Variants in SEMA6D observed in about 807,000 individuals in gnomAD.
SEMA6D encodes semaphorin 6D, also known as semaphorin-6D.
SEMA6D carries 35 observed loss-of-function variants against 106.6 expected under a neutral mutation model. The ratio of observed to expected loss-of-function variants is 0.33; its 90% confidence interval spans 0.25 to 0.44. The LOEUF is 0.44. Among genes scored for constraint, SEMA6D ranks in the 20% least tolerant of loss-of-function variants. The pLI, the probability that SEMA6D is intolerant of heterozygous loss-of-function variation, is 1.00. For missense variants in SEMA6D, 1,185 were observed against 1,345.9 expected (o/e 0.88, Z 1.87); for synonymous variants, 499 against 487.7 (o/e 1.02, Z -0.31).
intron 2 of SEMA6D, among the ~76,000 whole-genome samples, chr15:47,462,086 A>G (rs796266402): frequency 7.2e-5 from 11 of 152,112 alleles, no homozygotes; most frequent in African/African-American, 2.4e-4. Flanking sequence ...TGGTACTACC[A>G]TGGAGTTTTT....
intron 2 of SEMA6D, among the ~76,000 whole-genome samples, chr15:47,418,326 C>T (rs1201208071): frequency 6.6e-6 from 1 of 152,084 alleles, no homozygotes; most frequent in Non-Finnish European, 1.5e-5. Flanking sequence ...GGCTGCCATG[C>T]CGAGAGTGTC....
intron 1 of SEMA6D, among the ~76,000 whole-genome samples, chr15:47,186,353 C>T (rs2140891793): frequency 6.6e-6 from 1 of 152,116 alleles, no homozygotes; most frequent in Non-Finnish European, 1.5e-5. Context: ...TGATTTATTC[C>T]AAGGAGAGAA....
chr15:47,429,371 C>T (rs1343911542), intron 2 of SEMA6D, among the ~76,000 whole-genome samples: 2 of 152,156 alleles, frequency 1.3e-5, no homozygotes, highest in East Asian at 3.9e-4. Flanking sequence ...AAATGTTAGG[C>T]AGCTGTGAGA....
intron 3 of SEMA6D, among the ~76,000 whole-genome samples, chr15:47,569,185 T>G (rs11070595): frequency 0.99 from 151,397 of 152,274 alleles, 75,268 homozygotes; most frequent in Middle Eastern, 1. Flanking sequence ...CCTGTTACAT[T>G]AAGCTGTAAG....
At chr15:47,593,628 G>A (rs1041059035) in intron 3 of SEMA6D, among the ~76,000 whole-genome samples, 1 of 151,942 alleles carries the variant, frequency 6.6e-6, no homozygotes, top group African/African-American at 2.4e-5. Flanking sequence ...ATGTTAGTCT[G>A]TTTTTTCATT....
At chr15:47,331,578 CAT>C (rs2037342454) in intron 1 of SEMA6D, among the ~76,000 whole-genome samples, 1 of 151,930 alleles carries the variant, frequency 6.6e-6, no homozygotes, top group African/African-American at 2.4e-5. Flanking sequence ...AAAGCATAGA[CAT>C]ATGCATAAAC....
intron 3 of SEMA6D, among the ~76,000 whole-genome samples, chr15:47,594,706 A>G (rs1425295455): frequency 6.6e-6 from 1 of 152,210 alleles, no homozygotes. Flanking sequence ...GAAAAGTATA[A>G]TTTATAGTTT....
intron 4 of SEMA6D, among the ~76,000 whole-genome samples, chr15:47,663,849 T>G (rs1023187517): frequency 1.3e-5 from 2 of 152,214 alleles, no homozygotes; most frequent in Non-Finnish European, 2.9e-5. Flanking sequence ...CCAGCTCTTT[T>G]GTTTGGAGAT....
At chr15:47,697,993 T>C (rs540075656) in intron 4 of SEMA6D, among the ~76,000 whole-genome samples, 64 of 152,348 alleles carry the variant, frequency 4.2e-4, no homozygotes, top group Admixed American at 1.8e-3. Flanking sequence ...ATTAGTAAAA[T>C]AGAAGACTTG....
At chr15:47,490,253 G>A (rs2043431024) in intron 3 of SEMA6D, among the ~76,000 whole-genome samples, 1 of 152,126 alleles carries the variant, frequency 6.6e-6, no homozygotes, top group Non-Finnish European at 1.5e-5. Flanking sequence ...TGCTCAGTAT[G>A]TATTTAACTT....
intron 1 of SEMA6D, among the ~76,000 whole-genome samples, chr15:47,744,956 T>C (rs2081042203): frequency 6.6e-6 from 1 of 152,214 alleles, no homozygotes; most frequent in Non-Finnish European, 1.5e-5. Flanking sequence ...AAACCGAGGC[T>C]GGAAGAGGCA....
intron 1 of SEMA6D, among the ~76,000 whole-genome samples, chr15:47,288,820 G>A (rs2035478604): frequency 6.6e-6 from 1 of 152,128 alleles, no homozygotes; most frequent in Non-Finnish European, 1.5e-5. Context: ...ACACTCCACA[G>A]CCCACACTCT....
At chr15:47,610,641 C>A in intron 4 of SEMA6D, among the ~76,000 whole-genome samples, 1 of 152,184 alleles carries the variant, frequency 6.6e-6, no homozygotes, top group Non-Finnish European at 1.5e-5. Flanking sequence ...CTAGATATAT[C>A]TCACTCATTC....
intron 3 of SEMA6D, among the ~76,000 whole-genome samples, chr15:47,544,946 T>C (rs908361566): frequency 6.6e-6 from 1 of 152,140 alleles, no homozygotes; most frequent in East Asian, 1.9e-4. Flanking sequence ...TAGAGATAAC[T>C]ATATGAAAAT....
chr15:47,548,400 T>G (rs1224353956), intron 3 of SEMA6D, among the ~76,000 whole-genome samples: 1 of 152,184 alleles, frequency 6.6e-6, no homozygotes, highest in Admixed American at 6.6e-5. Context: ...AGTTCAGCTC[T>G]TTCTTGGCCC....
chr15:47,276,556 A>G (rs908266581), intron 1 of SEMA6D, among the ~76,000 whole-genome samples: 1 of 152,166 alleles, frequency 6.6e-6, no homozygotes, highest in Admixed American at 6.6e-5. Context: ...GGATGACACT[A>G]CATCTGTTTA....
intron 3 of SEMA6D, among the ~76,000 whole-genome samples, chr15:47,578,083 C>A (rs1488527832): frequency 6.6e-6 from 1 of 152,070 alleles, no homozygotes; most frequent in Non-Finnish European, 1.5e-5. Flanking sequence ...TTGTTGTTAT[C>A]CCAAATTTAC....
At chr15:47,343,378 G>T (rs756749989) in intron 1 of SEMA6D, among the ~76,000 whole-genome samples, 1 of 151,620 alleles carries the variant, frequency 6.6e-6, no homozygotes, top group African/African-American at 2.4e-5. Flanking sequence ...TTAGCGTTAG[G>T]TATATCTCCT....
At chr15:47,276,392 G>A (rs1353953309) in intron 1 of SEMA6D, among the ~76,000 whole-genome samples, 1 of 152,078 alleles carries the variant, frequency 6.6e-6, no homozygotes. Flanking sequence ...TCAAAGCTTT[G>A]AAGGACAGCC....
Sources: allele counts gnomAD v4.1 joint callset (sites outside exome capture counted in the v4.1 genomes callset), GRCh38; gene constraint gnomAD v4.1.1; transcripts MANE v1.5; gene names NCBI Gene and HGNC (gene_info 2026-07-23, HGNC 2026-07-21).